The following CACNA2D3 variants were observed in gnomAD, a reference collection of about 807,000 sequenced individuals.
The protein encoded by CACNA2D3 is calcium voltage-gated channel auxiliary subunit alpha2delta 3.
In CACNA2D3, 60 loss-of-function variants were observed where a neutral mutation model predicts 160.6. The observed-to-expected ratio is 0.37, with a 90% CI of 0.30 to 0.46. The LOEUF is 0.46. Ranked by LOEUF, CACNA2D3 falls within the 20% of genes least tolerant of loss-of-function variation. The probability of loss-of-function intolerance (pLI) is 1.00; values close to 1 mark genes in which losing one functional copy is unlikely to be tolerated. For missense variants in CACNA2D3, 1,205 were observed against 1,365.0 expected, an observed-to-expected ratio of 0.88 and a Z score of 1.85; for synonymous variants, 558 against 492.9, an observed-to-expected ratio of 1.13 and a Z score of -1.75.
chr3:54,175,959 C>T (rs954871583), intron 2 of CACNA2D3, among the ~76,000 whole-genome samples: 2 of 152,168 alleles, frequency 1.3e-5, no homozygotes, highest in Admixed American at 6.5e-5. Context: ...AGACTTTAGT[C>T]TTCCTTCCTG....
intron 11 of CACNA2D3, among the ~76,000 whole-genome samples, chr3:54,725,221 C>A (rs189348418): frequency 1.1e-4 from 17 of 152,192 alleles, no homozygotes; most frequent in Non-Finnish European, 2.2e-4. Context: ...AGGAAGAAGT[C>A]GAATCCCTGA....
In CACNA2D3 at chr3:54,359,114, G is replaced by A. The variant is rs1251849660; in HGVS notation, c.322-27601G>A. On this transcript the variant is annotated intron_variant, in intron 3 of 37. Coordinates refer to ENST00000474759, the MANE Select transcript of CACNA2D3 (RefSeq NM_018398.3). ...CTTATTAAACGAATGTATTGCACTAGCTTAGAGAAACAAATAGAACATGGC... is the reference window on the plus strand; with the variant it reads ...CTTATTAAACGAATGTATTGCACTAACTTAGAGAAACAAATAGAACATGGC... Among the ~76,000 whole-genome samples the A allele has an allele frequency of 1.3e-5, 2 of 152,108 alleles. 1 individual carries two copies. The highest frequency in any genetic ancestry group is 4.8e-5 in the African/African-American group (2 of 41,420).
intron 5 of CACNA2D3, among the ~76,000 whole-genome samples, chr3:54,529,407 G>A (rs1701773229): frequency 6.6e-6 from 1 of 152,184 alleles, no homozygotes; most frequent in East Asian, 1.9e-4. Context: ...AGCTATGGGG[G>A]CCAGGACTAG....
rs1003734392 is a variant in CACNA2D3, at chr3:54,924,864, G to A, written c.2449+24996G>A. Reference sequence around the variant, plus strand: ...ATCAAGCTCCCTCAGCTGAGGGAGGGAATGGAAAAGTCTGCTTTCCAGGGA... The same window carrying A: ...ATCAAGCTCCCTCAGCTGAGGGAGGAAATGGAAAAGTCTGCTTTCCAGGGA... On this transcript the variant is annotated intron_variant, in intron 27 of 37. Transcript: ENST00000474759. 6.2e-7 allele frequency: 1 copy of A among 1,613,794 alleles called. No homozygotes were observed.
chr3:54,362,881 A>G (rs1004159101), intron 3 of CACNA2D3, among the ~76,000 whole-genome samples: 1 of 152,220 alleles, frequency 6.6e-6, no homozygotes, highest in Non-Finnish European at 1.5e-5. Flanking sequence ...ATTGAGTATA[A>G]GTGTTAAATA....
At chr3:54,197,426 T>C (rs1287335953) in intron 2 of CACNA2D3, 1 of 152,248 alleles carries the variant, frequency 6.6e-6, no homozygotes, top group Non-Finnish European at 1.5e-5. Flanking sequence ...TCCTCTCCTT[T>C]CAGTTTTCAG....
intron 11 of CACNA2D3, among the ~76,000 whole-genome samples, chr3:54,684,663 A>G (rs1700416643): frequency 6.6e-6 from 1 of 151,158 alleles, no homozygotes; most frequent in Admixed American, 6.6e-5. Context: ...TATCTGATCA[A>G]ATGGCAGGAG....
At chr3:54,923,784 T>C (rs975679666) in intron 27 of CACNA2D3, among the ~76,000 whole-genome samples, 3 of 152,200 alleles carry the variant, frequency 2.0e-5, no homozygotes, top group Non-Finnish European at 2.9e-5. Flanking sequence ...CTCTGTGATC[T>C]TGGGCAAGTC....
chr3:55,018,821 C>T (rs937165474), intron 35 of CACNA2D3, among the ~76,000 whole-genome samples: 3 of 151,782 alleles, frequency 2.0e-5, no homozygotes, highest in East Asian at 1.9e-4. Context: ...GGACAGTTCC[C>T]GTCTGGGTGA....
chr3:54,582,274 T>C (rs1400012804), intron 9 of CACNA2D3, among the ~76,000 whole-genome samples: 1 of 152,212 alleles, frequency 6.6e-6, no homozygotes, highest in African/African-American at 2.4e-5. Context: ...TTGGGGTAAC[T>C]TGTCTGCTAT....
chr3:54,412,600 T>C (rs1244709907), intron 4 of CACNA2D3, among the ~76,000 whole-genome samples: 1 of 140,764 alleles, frequency 7.1e-6, no homozygotes, highest in East Asian at 2.0e-4. Flanking sequence ...TCTGTAATTC[T>C]GGTCTTGTTC....
intron 11 of CACNA2D3, among the ~76,000 whole-genome samples, chr3:54,709,891 C>G (rs190617473): frequency 6.6e-6 from 1 of 152,172 alleles, no homozygotes; most frequent in Non-Finnish European, 1.5e-5. Context: ...TGCCACTGCA[C>G]TCTAGCCTGC....
intron 2 of CACNA2D3, among the ~76,000 whole-genome samples, chr3:54,232,255 C>T (rs1701784784): frequency 1.3e-5 from 2 of 152,194 alleles, no homozygotes; most frequent in African/African-American, 4.8e-5. Context: ...TCCTTTGAAG[C>T]TTGGGGGTTT....
chr3:55,043,153 G>A (rs879812553), intron 35 of CACNA2D3, among the ~76,000 whole-genome samples: 14 of 152,108 alleles, frequency 9.2e-5, no homozygotes, highest in Non-Finnish European at 1.6e-4. Flanking sequence ...TGTGGGAAAT[G>A]TGTGTTTAAT....
At chr3:54,516,805 A>G (rs956797970) in intron 5 of CACNA2D3, among the ~76,000 whole-genome samples, 4 of 152,128 alleles carry the variant, frequency 2.6e-5, no homozygotes, top group Admixed American at 6.5e-5. Flanking sequence ...GTAGATTTTC[A>G]TGTTCTCTAC....
intron 31 of CACNA2D3, among the ~76,000 whole-genome samples, chr3:54,988,567 T>TG (rs1702667921): frequency 6.6e-6 from 1 of 152,186 alleles, no homozygotes; most frequent in Non-Finnish European, 1.5e-5. Flanking sequence ...AAATATATAA[T>TG]GGCAGGAAAT....
At chr3:54,387,658 A>ATAAGTAAG (rs3028847) in intron 4 of CACNA2D3, among the ~76,000 whole-genome samples, 15,194 of 151,186 alleles carry the variant, frequency 0.1, 880 homozygotes, top group Admixed American at 0.17. Flanking sequence ...TCTCAAATAA[A>ATAAGTAAG]TAAGTAAGTA....
intron 29 of CACNA2D3, among the ~76,000 whole-genome samples, chr3:54,982,837 G>A (rs1702535163): frequency 6.6e-6 from 1 of 152,066 alleles, no homozygotes. Flanking sequence ...ATTGGTGGGA[G>A]TATAGCAGTG....
In CACNA2D3 at chr3:55,033,767, TATA is replaced by T. The variant is rs1484379966; in HGVS notation, c.2987+15454_2987+15456del. Among the ~76,000 whole-genome samples, 7 of 135,124 alleles carry T rather than the reference TATA, an allele frequency of 5.2e-5. 1 individual carries two copies. The East Asian group carries it at 8.0e-4, about 15-fold the overall frequency. 88.6% of individuals were successfully genotyped at this position (135,124 alleles called of 152,430 possible). On this transcript the variant is annotated intron_variant, in intron 35 of 37. Coordinates refer to ENST00000474759, the MANE Select transcript of CACNA2D3 (RefSeq NM_018398.3). ...TATATATTATATTAAATATATATTA[TATA>T]ATATGTATTATATATTAAATATATT...
Sources: gnomAD v4.1 joint callset for allele counts (sites outside exome capture counted in the v4.1 genomes callset) on GRCh38, gnomAD v4.1.1 for gene constraint, MANE v1.5 for transcripts, NCBI Gene and HGNC (gene_info 2026-07-23, HGNC 2026-07-21) for gene names.